RNF212B: variants seen among roughly 807,000 people sequenced by gnomAD.
RNF212B encodes the protein ring finger protein 212B, also known as E3 ubiquitin-protein ligase RNF212B.
A neutral mutation model predicts 55.5 loss-of-function variants in RNF212B; 52 were observed. That is an observed-to-expected ratio of 0.94 (90% CI 0.75 to 1.18). The LOEUF is 1.18. RNF212B is among the 50% of genes most tolerant of loss of function. The pLI is 0.00. For missense variants in RNF212B, 289 were observed against 350.4 expected (o/e 0.82, Z 1.40); for synonymous variants, 99 against 121.4 (o/e 0.82, Z 1.21).
At chr14:23,264,726 C>A in intron 11 of RNF212B, 55 bp downstream of exon 11, 1 of 1,132,028 alleles carries the variant, frequency 8.8e-7, no homozygotes, top group Non-Finnish European at 1.1e-6. Context: ...CGAAGATCTG[C>A]GGATTTCTGG....
chr14:23,193,904 C>T (rs781022837), intron 2 of RNF212B, among the ~76,000 whole-genome samples: 14 of 152,142 alleles, frequency 9.2e-5, no homozygotes, highest in East Asian at 1.9e-4. Flanking sequence ...TGCAGTGGCG[C>T]GATCTTGGCT....
At chr14:23,237,316 AGC>A (rs918127908), upstream of RNF212B, among the ~76,000 whole-genome samples, 16 of 151,926 alleles carry the variant, frequency 1.1e-4, no homozygotes, top group Non-Finnish European at 7.4e-5. Flanking sequence ...TTTTAGTAGA[AGC>A]GGGGTTTCGC....
At chr14:23,271,908 G>A (rs995503089) in intron 14 of RNF212B, among the ~76,000 whole-genome samples, 4 of 152,160 alleles carry the variant, frequency 2.6e-5, no homozygotes, top group Admixed American at 1.3e-4. Flanking sequence ...TTTTTGGTAT[G>A]ATGATATCGT....
chr14:23,257,160 C>G (rs117256132), intron 4 of RNF212B, among the ~76,000 whole-genome samples: 1 of 151,004 alleles, frequency 6.6e-6, no homozygotes. Context: ...CACACACACA[C>G]AAAAAAAATA....
intron 2 of RNF212B, among the ~76,000 whole-genome samples, chr14:23,221,848 T>C (rs540601021): frequency 9.0e-4 from 137 of 152,164 alleles, no homozygotes; most frequent in Non-Finnish European, 1.6e-3. Context: ...TTGGAAAGTA[T>C]ATGAACACAT....
chr14:23,258,309 G>A (rs964757675), intron 4 of RNF212B, among the ~76,000 whole-genome samples: 61 of 143,552 alleles, frequency 4.2e-4, no homozygotes, highest in African/African-American at 1.6e-3. Context: ...TTGCACTCTA[G>A]CCTGGGCAAC....
Position 23,269,948 on chromosome 14 carries a change from C to T in RNF212B, c.760C>T (p.Pro254Ser), listed in dbSNP as rs930078024. The T allele has an allele frequency of 7.8e-6, 12 of 1,538,476 alleles. No homozygotes were observed. The highest frequency in any genetic ancestry group is 1.1e-5 in the Non-Finnish European group (12 of 1,136,158). The change falls in exon 13 of 15, where the codon CCC (proline) becomes TCC (serine). Residue 254 changes from proline to serine, a missense_variant. Coordinates refer to ENST00000430154, the MANE Select transcript of RNF212B (RefSeq NM_001282322.3). ...TTCAGGCCACACAAGAGTCCTCACC[C>T]CCAACAATTTTGGTAAGTTAAATAA... ...GHSGHTRVLT[P>S]NNFAQRESTT...
intron 2 of RNF212B, among the ~76,000 whole-genome samples, chr14:23,214,920 A>T (rs945271655): frequency 6.6e-6 from 1 of 152,238 alleles, no homozygotes; most frequent in African/African-American, 2.4e-5. Flanking sequence ...ATGCCAAGAC[A>T]TATCATAATT....
chr14:23,265,689 C>T (rs1015188343), intron 11 of RNF212B, among the ~76,000 whole-genome samples: 2 of 152,056 alleles, frequency 1.3e-5, no homozygotes, highest in Non-Finnish European at 2.9e-5. Context: ...TGAGTCTTTT[C>T]CTCTTTCTTT....
At position 23,270,646 on chromosome 14, in the gene RNF212B, G is replaced by C; in HGVS notation, c.819G>C (p.Gln273His). The change falls in exon 14 of 15, where the codon CAG becomes CAC. Residue 273 changes from glutamine (Q) to histidine (H), a missense_variant. Transcript: ENST00000430154. ...CACTAGAGAGTCTTCCTAGTTTCCA[G>C]CTACCAGTCCTGCAGGTGAGACCTG... ...TTTLESLPSF[Q>H]LPVLQTLYQQ... The C allele has an allele frequency of 6.5e-7, 1 of 1,550,156 alleles. No homozygotes were observed. Among genetic ancestry groups the C allele is most frequent in the Non-Finnish European group, 8.7e-7 (1 of 1,146,266 alleles).
At chr14:23,191,532 A>G (rs1299928224) in intron 1 of RNF212B, among the ~76,000 whole-genome samples, 1 of 152,112 alleles carries the variant, frequency 6.6e-6, no homozygotes, top group Non-Finnish European at 1.5e-5. Context: ...GGGGGTAATG[A>G]TATTACAGTT....
chr14:23,214,636 T>A (rs1281408082), intron 2 of RNF212B, among the ~76,000 whole-genome samples: 1 of 40,998 alleles, frequency 2.4e-5, no homozygotes, highest in South Asian at 5.1e-4. Flanking sequence ...ACAGAATGAA[T>A]AAAGCATAGG....
chr14:23,262,884 A>G, intron 8 of RNF212B, 44 bp from the exon 9 acceptor site: 1 of 1,540,976 alleles, frequency 6.5e-7, no homozygotes, highest in South Asian at 1.2e-5. Context: ...AGGCAGGCAT[A>G]CCATTGATGG....
intron 1 of RNF212B, among the ~76,000 whole-genome samples, chr14:23,238,780 A>AATAATCATC (rs1343117592): frequency 6.9e-6 from 1 of 145,652 alleles, no homozygotes; most frequent in Non-Finnish European, 1.5e-5. Context: ...TAATAATAAT[A>AATAATCATC]ATCCCACAAA....
At chr14:23,242,724 C>T (rs1418212217) in intron 2 of RNF212B, among the ~76,000 whole-genome samples, 2 of 152,032 alleles carry the variant, frequency 1.3e-5, no homozygotes, top group East Asian at 1.9e-4. Context: ...TATAAACTCA[C>T]CACTTTGCGG....
intron 2 of RNF212B, among the ~76,000 whole-genome samples, chr14:23,218,071 A>G (rs1396012962): frequency 2.0e-5 from 3 of 152,152 alleles, no homozygotes; most frequent in Admixed American, 2.0e-4. Context: ...CAGAAATTCT[A>G]GAGTTGAAAA....
In RNF212B at chr14:23,231,811, T is replaced by C. The variant is rs534620055; in HGVS notation, c.-1-8534T>C. ...CGCGCCGCCACGCCTGACTGGTTTT[T>C]GTATTTTTTTGGTGGAGAGGGGGTT... On this transcript the variant is annotated intron_variant, in intron 2 of 15. Transcript: ENST00000399910. 9.1e-3 allele frequency among the ~76,000 whole-genome samples: 1,390 copies of C among 152,338 alleles called. 16 individuals are homozygous for C. The highest frequency in any genetic ancestry group is 0.031 in the African/African-American group (1,304 of 41,572).
At position 23,262,946 on chromosome 14, in the gene RNF212B, T is replaced by C. The variant is rs1033329953; in HGVS notation, c.500T>C (p.Phe167Ser). 1 of 1,550,600 alleles carries C rather than the reference T, an allele frequency of 6.4e-7. No individual in the cohort carries two copies. The highest frequency in any genetic ancestry group is 1.4e-5 in the African/African-American group (1 of 73,180). Residue 167 changes from phenylalanine to serine, a missense_variant, in exon 9 of 15, where the codon TTC (phenylalanine) becomes TCC (serine). Transcript: ENST00000430154. ...PSQSVTPRPS[F>S]QHSSQVVSRS... ...CTTTCAGTTACCCCACGACCCAGTT[T>C]CCAGCATAGCAGTCAAGTGGTCAGG...
chr14:23,230,855 C>A (rs1882559706), intron 2 of RNF212B, among the ~76,000 whole-genome samples: 1 of 152,080 alleles, frequency 6.6e-6, no homozygotes, highest in Non-Finnish European at 1.5e-5. Flanking sequence ...TTTCCCAGCA[C>A]TGTTTGTTGC....
Sources: allele counts gnomAD v4.1 joint callset (sites outside exome capture counted in the v4.1 genomes callset), GRCh38; gene constraint gnomAD v4.1.1; transcripts MANE v1.5; gene names NCBI Gene and HGNC (gene_info 2026-07-23, HGNC 2026-07-21).